The following PLS3 variants were observed in gnomAD, a reference collection of about 807,000 sequenced individuals.
PLS3 encodes plastin 3, also known as plastin-3.
PLS3 carries 11 observed loss-of-function variants against 46.5 expected under a neutral mutation model. The ratio of observed to expected loss-of-function variants is 0.24; its 90% CI spans 0.15 to 0.39. The LOEUF (loss-of-function observed/expected upper bound fraction) is 0.39. Among genes scored for constraint, PLS3 ranks in the 10% least tolerant of loss-of-function variants. PLS3 has a pLI of 1.00. For missense variants in PLS3, 308 were observed against 461.8 expected (o/e 0.67, Z 3.05); for synonymous variants, 167 against 162.2 (o/e 1.03, Z -0.22).
chrX:115,629,359 A>G (rs782454859), intron 4 of PLS3, 32 bp downstream of exon 4: 9 of 1,145,517 alleles, frequency 7.9e-6, no homozygotes, highest in Middle Eastern at 2.4e-4. Context: ...GGTTAACACA[A>G]TGTGCTAAGT....
intron 1 of PLS3, among the ~76,000 whole-genome samples, chrX:115,588,970 G>A (rs2074327777): frequency 9.0e-6 from 1 of 111,226 alleles, no homozygotes; most frequent in Admixed American, 9.6e-5. Context: ...AATACTATCA[G>A]GGAGACAGCC....
chrX:115,637,482 A>G (rs1198373021), intron 8 of PLS3, among the ~76,000 whole-genome samples: 1 of 111,605 alleles, frequency 9.0e-6, no homozygotes, highest in African/African-American at 3.3e-5. Context: ...GGGCCCTCCT[A>G]CTAAAGCCAA....
intron 5 of PLS3, among the ~76,000 whole-genome samples, chrX:115,630,957 T>C (rs1346312760): frequency 1.3e-4 from 13 of 96,364 alleles, no homozygotes; most frequent in African/African-American, 4.9e-4. Context: ...ATATATAAAA[T>C]ATATATTATA....
intron 1 of PLS3, among the ~76,000 whole-genome samples, chrX:115,592,475 CTTTCA>C (rs2074352128): frequency 8.9e-6 from 1 of 111,753 alleles, no homozygotes; most frequent in Admixed American, 9.6e-5. Context: ...GACCCTGATG[CTTTCA>C]TTGTGCTGCA....
chrX:115,636,332 A>G (rs922926747), intron 7 of PLS3, among the ~76,000 whole-genome samples: 2 of 106,670 alleles, frequency 1.9e-5, no homozygotes, highest in Admixed American at 2.0e-4. Flanking sequence ...TCAGCCTCCC[A>G]AGTAGCTGGG....
intron 8 of PLS3, among the ~76,000 whole-genome samples, chrX:115,639,515 G>GA (rs1249313243): frequency 9.0e-6 from 1 of 111,607 alleles, no homozygotes; most frequent in Non-Finnish European, 1.9e-5. Context: ...TAGACTATGA[G>GA]AAACACTCCT....
intron 1 of PLS3, among the ~76,000 whole-genome samples, chrX:115,575,632 A>T (rs1470281325): frequency 9.0e-6 from 1 of 111,080 alleles, no homozygotes; most frequent in Non-Finnish European, 1.9e-5. Context: ...TTTAGTAGAG[A>T]CGGGGTTTCA....
chrX:115,567,187 AT>A (rs111945085), intron 1 of PLS3, among the ~76,000 whole-genome samples: 1 of 111,849 alleles, frequency 8.9e-6, no homozygotes, highest in African/African-American at 3.3e-5. Context: ...AAAAAACCTC[AT>A]AAAAAATCAA....
At chrX:115,633,941 T>G in intron 5 of PLS3, 59 bp from the exon 6 acceptor site, 1 of 612,953 alleles carries the variant, frequency 1.6e-6, no homozygotes, top group Non-Finnish European at 2.8e-6. Flanking sequence ...ACAGCCACTT[T>G]ATAAAAGGAA....
intron 5 of PLS3, among the ~76,000 whole-genome samples, chrX:115,631,108 G>A (rs782754593): frequency 7.6e-4 from 79 of 104,331 alleles, no homozygotes; most frequent in African/African-American, 2.6e-3. Flanking sequence ...CCAGGCTGGA[G>A]TGCAATGGCG....
Position 115,605,529 on chromosome X carries a change from C to T in PLS3, c.-8-4714C>T, listed in dbSNP as rs782527993. ...GGAGTGCAGTGACGTTCTCATGGCT[C>T]ACTGCATCCTCTACCTCTCGGGCTC... On this transcript the variant is annotated intron_variant, in intron 1 of 15. Coordinates refer to ENST00000355899, the MANE Select transcript of PLS3 (RefSeq NM_005032.7). 5.6e-4 allele frequency among the ~76,000 whole-genome samples: 62 copies of T among 111,595 alleles called. 1 individual carries two copies. The highest frequency in any genetic ancestry group is 1.9e-3 in the African/African-American group (59 of 30,729).
At chrX:115,563,585 C>A (rs782464548) in intron 1 of PLS3, among the ~76,000 whole-genome samples, 38 of 111,944 alleles carry the variant, frequency 3.4e-4, no homozygotes, top group Non-Finnish European at 5.6e-4. Flanking sequence ...CTGGTTGATG[C>A]ATATTCAGTC....
chrX:115,583,154 T>C (rs2074288649), intron 1 of PLS3, among the ~76,000 whole-genome samples: 1 of 112,454 alleles, frequency 8.9e-6, no homozygotes, highest in Non-Finnish European at 1.9e-5. Context: ...AATAGATGAA[T>C]TACACCTGGC....
chrX:115,646,449 A>G lies in PLS3; in HGVS notation c.1425A>G (p.Lys475=). Reference sequence around the variant, plus strand: ...TTGAATTAGGGAAGCATCCTGCTAAATTCTCCCTGGTTGGCATTGGAGGGC... The same window carrying G: ...TTGAATTAGGGAAGCATCCTGCTAAGTTCTCCCTGGTTGGCATTGGAGGGC... ...YAVELGKHPA[K]FSLVGIGGQD... is the part of the protein sequence containing the mutation. The change falls in exon 13 of 16, where the codon AAA becomes AAG. Residue 475 remains lysine, a synonymous_variant. Transcript: ENST00000355899. 2 of 1,210,028 alleles carry G rather than the reference A, an allele frequency of 1.7e-6. No homozygotes were observed. The highest frequency in any genetic ancestry group is 2.2e-6 in the Non-Finnish European group (2 of 893,843).
chrX:115,634,806 T>C (rs1212478251), intron 6 of PLS3, 75 bp from the exon 7 acceptor site: 4 of 932,251 alleles, frequency 4.3e-6, no homozygotes, highest in Non-Finnish European at 5.9e-6. Flanking sequence ...AATGTTATTT[T>C]CAGTGAAGGG....
intron 1 of PLS3, among the ~76,000 whole-genome samples, chrX:115,582,883 AC>A (rs1325273462): frequency 8.9e-6 from 1 of 112,015 alleles, no homozygotes; most frequent in Non-Finnish European, 1.9e-5. Flanking sequence ...TACTAAAAAC[AC>A]AAAAAGATTA....
chrX:115,588,449 C>T (rs2147438802), intron 1 of PLS3, among the ~76,000 whole-genome samples: 1 of 112,268 alleles, frequency 8.9e-6, no homozygotes, highest in African/African-American at 3.2e-5. Context: ...GTAAACAATG[C>T]CACCCTTGTC....
At position 115,618,738 on chromosome X, in the gene PLS3, A is replaced by C. The variant is rs367967718; in HGVS notation, c.74-3508A>C. Among the ~76,000 whole-genome samples, 9 of 111,382 alleles carry C rather than the reference A, an allele frequency of 8.1e-5. No homozygotes were observed. The East Asian group carries it at 2.5e-3, about 32-fold the overall frequency. On this transcript the variant is annotated intron_variant, in intron 2 of 15. Transcript: ENST00000355899. ...TGACGAAACCCCATCTCTACTAAAA[A>C]TACAGAAGTTGGCCAGGCATGGTGG...
At position 115,575,839 on chromosome X, in the gene PLS3, C is replaced by T. The variant is rs187019134; in HGVS notation, c.-9+14579C>T. ...AACGTTTTCCTTAGTAGTATTTATA[C>T]TGGAATAATAGAAAGCCTGTAAATG... On this transcript the variant is annotated intron_variant, in intron 1 of 15. Transcript: ENST00000355899. Among the ~76,000 whole-genome samples, 338 of 111,846 alleles carry T rather than the reference C, an allele frequency of 3.0e-3. 2 individuals carry two copies. The highest frequency in any genetic ancestry group is 0.01 in the African/African-American group (320 of 30,830).
Sources: gnomAD v4.1 joint callset for allele counts (sites outside exome capture counted in the v4.1 genomes callset) on GRCh38, gnomAD v4.1.1 for gene constraint, MANE v1.5 for transcripts, NCBI Gene and HGNC (gene_info 2026-07-23, HGNC 2026-07-21) for gene names.